The following RANBP3L variants were observed in gnomAD, a reference collection of about 807,000 sequenced individuals.
RANBP3L encodes ran-binding protein 3-like.
Under a neutral mutation model 67.2 loss-of-function variants are expected in RANBP3L, and 56 were observed. The observed-to-expected ratio is 0.83, with a 90% confidence interval of 0.67 to 1.04. The LOEUF is 1.04. RANBP3L is among the 50% of genes least tolerant of loss of function. The pLI is 0.00. For missense variants in RANBP3L, 496 were observed against 535.5 expected (o/e 0.93, Z 0.73); for synonymous variants, 164 against 181.4 (o/e 0.90, Z 0.77).
intron 1 of RANBP3L, among the ~76,000 whole-genome samples, chr5:36,299,585 T>C (rs914650820): frequency 2.0e-5 from 3 of 152,094 alleles, no homozygotes; most frequent in African/African-American, 7.2e-5. Context: ...GAATGTATAA[T>C]CCTTTGACTC....
chr5:36,285,504 TG>T lies in RANBP3L; in HGVS notation c.92-14194del, dbSNP rs1385479967. ...CCTTCATCCCACAGGATCAGCCTCCTGAATTTACCTCAAAGTGCTGTATCAT... is the reference window on the plus strand; with the variant it reads ...CCTTCATCCCACAGGATCAGCCTCCTAATTTACCTCAAAGTGCTGTATCAT... On this transcript the variant is annotated intron_variant, in intron 1 of 13. Transcript: ENST00000296604. 7.2e-5 allele frequency among the ~76,000 whole-genome samples: 11 copies of T among 152,370 alleles called. 1 individual carries two copies. The highest frequency in any genetic ancestry group is 6.5e-4 in the Admixed American group (10 of 15,296).
At position 36,249,432 on chromosome 5, in the gene RANBP3L, C is replaced by T; in HGVS notation, c.*222G>A. On this transcript the variant is annotated 3_prime_UTR_variant, in exon 14 of 14. Coordinates refer to ENST00000296604, the MANE Select transcript of RANBP3L (RefSeq NM_145000.5). ...TTCTTCAAAAATGATAAATTTTGAA[C>T]TTCTGAAGTCCATTTTTTTAAATTC... is the stretch of plus-strand genomic sequence containing the variant. 1 of 313,450 alleles carries T rather than the reference C, an allele frequency of 3.2e-6. No homozygotes were observed. Among genetic ancestry groups the T allele is most frequent in the Non-Finnish European group, 5.8e-6 (1 of 171,450 alleles). 19.4% of individuals were successfully genotyped at this position (313,450 alleles called of 1,614,324 possible).
At chr5:36,250,545 T>C (rs1029114450) in intron 13 of RANBP3L, among the ~76,000 whole-genome samples, 10 of 152,096 alleles carry the variant, frequency 6.6e-5, no homozygotes, top group African/African-American at 2.4e-4. Context: ...AAATGCTTGT[T>C]ACCACACTAT....
rs539473690 is a variant in RANBP3L at position 36,294,755 on chromosome 5, T to C, written c.91+6571A>G. Among the ~76,000 whole-genome samples the C allele has an allele frequency of 1.3e-4, 19 of 150,080 alleles. No individual in the cohort carries two copies. The Admixed American group carries it at 1.3e-3, about 10-fold the overall frequency. ...TTGGTTTTATATATATATATATGTA[T>C]AGTGTGTGTATATATATAGTGTGTA... On this transcript the variant is annotated intron_variant, in intron 1 of 13. Transcript: ENST00000296604.
chr5:36,266,972 G>C (rs943163814), intron 4 of RANBP3L, among the ~76,000 whole-genome samples: 1 of 152,114 alleles, frequency 6.6e-6, no homozygotes, highest in African/African-American at 2.4e-5. Context: ...TGCCACGCTG[G>C]TTTCGAACTC....
At chr5:36,261,914 C>T (rs780908668) in intron 7 of RANBP3L, 25 bp downstream of exon 7, 24 of 1,046,402 alleles carry the variant, frequency 2.3e-5, no homozygotes, top group African/African-American at 4.8e-5. Context: ...GAAAGGACAA[C>T]GCTTCTATTT....
At chr5:36,258,709 C>G (rs1213373952) in intron 8 of RANBP3L, among the ~76,000 whole-genome samples, 3 of 152,170 alleles carry the variant, frequency 2.0e-5, no homozygotes, top group African/African-American at 7.2e-5. Flanking sequence ...CAAACAAAAC[C>G]CGTAGTCCTG....
At chr5:36,257,343 A>C (rs1028977944) in intron 9 of RANBP3L, 111 bp downstream of exon 9, 1 of 455,508 alleles carries the variant, frequency 2.2e-6, no homozygotes, top group East Asian at 3.9e-5. Context: ...TTGGTTTTTT[A>C]AATCTTATAG....
At chr5:36,279,380 T>C (rs767019785) in intron 1 of RANBP3L, among the ~76,000 whole-genome samples, 1 of 152,064 alleles carries the variant, frequency 6.6e-6, no homozygotes, top group Non-Finnish European at 1.5e-5. Context: ...CAACAAACTA[T>C]CTACTAAAAG....
intron 12 of RANBP3L, 34 bp downstream of exon 12, chr5:36,253,612 AG>A: frequency 6.6e-7 from 1 of 1,516,128 alleles, no homozygotes; most frequent in Non-Finnish European, 9.1e-7. Flanking sequence ...TTAATTTAGT[AG>A]GATAATCTTC....
chr5:36,268,222 T>C (rs1403693494), intron 4 of RANBP3L: 1 of 1,539,828 alleles, frequency 6.5e-7, no homozygotes, highest in Non-Finnish European at 8.8e-7. Flanking sequence ...GGTTGGGAGG[T>C]TAGTGACGGA....
chr5:36,267,291 G>A (rs1290937315), intron 4 of RANBP3L, among the ~76,000 whole-genome samples: 3 of 152,160 alleles, frequency 2.0e-5, no homozygotes, highest in East Asian at 3.9e-4. Context: ...GGCGGATCAC[G>A]AGGTCAAGAG....
intron 1 of RANBP3L, among the ~76,000 whole-genome samples, chr5:36,275,862 G>A (rs940608710): frequency 5.9e-5 from 9 of 151,862 alleles, no homozygotes; most frequent in African/African-American, 1.9e-4. Flanking sequence ...GCAAAGGAGG[G>A]GACAAGGATG....
intron 1 of RANBP3L, among the ~76,000 whole-genome samples, chr5:36,300,882 T>C (rs1378016331): frequency 6.6e-6 from 1 of 152,144 alleles, no homozygotes; most frequent in African/African-American, 2.4e-5. Flanking sequence ...GTCAAGAATA[T>C]ATTTATTTTT....
chr5:36,260,943 T>G (rs1468722172), intron 7 of RANBP3L, 79 bp from the exon 8 acceptor site: 3 of 655,852 alleles, frequency 4.6e-6, no homozygotes, highest in Non-Finnish European at 8.1e-6. Flanking sequence ...TCAGATAATT[T>G]AATAGATTTA....
rs569065922 is a variant in RANBP3L at position 36,262,671 on chromosome 5, T to A, written c.481-629A>T. Among the ~76,000 whole-genome samples, 304 of 152,222 alleles carry A rather than the reference T, an allele frequency of 2.0e-3. 1 individual carries two copies. Among genetic ancestry groups the A allele is most frequent in the Middle Eastern group, 0.01 (3 of 294 alleles). ...TTCCTCGACCAGGAATTTGCAAAGA[T>A]GTTTCAGGGCGTTTGTGTCTTTTAA... On this transcript the variant is annotated intron_variant, in intron 6 of 13. Coordinates refer to ENST00000296604, the MANE Select transcript of RANBP3L (RefSeq NM_145000.5).
chr5:36,287,470 C>T (rs1751407101), intron 1 of RANBP3L, among the ~76,000 whole-genome samples: 1 of 152,072 alleles, frequency 6.6e-6, no homozygotes. Flanking sequence ...TATGTAAATG[C>T]AAACAAGATG....
At chr5:36,292,944 G>A (rs10042973) in intron 1 of RANBP3L, among the ~76,000 whole-genome samples, 133,169 of 142,000 alleles carry the variant, frequency 0.94, 63,282 homozygotes, top group Non-Finnish European at 0.99. Flanking sequence ...GAAGAAAGTC[G>A]TTGGTAGCTT....
chr5:36,265,512 T>A lies in RANBP3L; in HGVS notation c.277A>T (p.Asn93Tyr), dbSNP rs1208938556. The change falls in exon 5 of 14, where the codon AAC (asparagine) becomes TAC (tyrosine). Residue 93 changes from asparagine (N) to tyrosine (Y), a missense_variant. Physicochemically the swap from Asn to Tyr is moderately radical, Grantham distance 143 (BLOSUM62 -2). Transcript: ENST00000296604. ...AGAGCTGATGTCATAAAAACATTGTTTTTCCTCACTGTAAGAAAAAATATT... is the reference window on the plus strand; with the variant it reads ...AGAGCTGATGTCATAAAAACATTGTATTTCCTCACTGTAAGAAAAAATATT... Reference protein sequence around the residue: ...TDSQSQGVRKNNVFMTSALVQ... With the variant: ...TDSQSQGVRKYNVFMTSALVQ... 3 of 1,593,416 alleles carry A rather than the reference T, an allele frequency of 1.9e-6. No homozygotes were observed.
Sources: allele counts gnomAD v4.1 joint callset (sites outside exome capture counted in the v4.1 genomes callset), GRCh38; gene constraint gnomAD v4.1.1; transcripts MANE v1.5; gene names NCBI Gene and HGNC (gene_info 2026-07-23, HGNC 2026-07-21).